Variants in GALNS observed in about 807,000 individuals in gnomAD.
The protein encoded by GALNS is N-acetylgalactosamine-6-sulfatase.
Under a neutral mutation model 65.9 loss-of-function variants are expected in GALNS, and 65 were observed. That is an observed-to-expected ratio of 0.99 (90% confidence interval 0.81 to 1.21). GALNS has a LOEUF of 1.21. Ranked by LOEUF, GALNS falls within the 50% of genes most tolerant of loss-of-function variation. The probability of loss-of-function intolerance (pLI) is 0.00; values close to 1 mark genes in which losing one functional copy is unlikely to be tolerated. For synonymous variants in GALNS, 346 were observed against 288.9 expected (o/e 1.20, Z -2.00); for missense variants, 776 against 700.7 (o/e 1.11, Z -1.21).
intron 1 of GALNS, chr16:88,856,551 C>T: frequency 1.5e-6 from 1 of 689,238 alleles, no homozygotes; most frequent in South Asian, 1.5e-5. Flanking sequence ...GGCCACTCCC[C>T]GAGGGGCCTC....
chr16:88,839,597 C>T (rs746675911), intron 4 of GALNS, among the ~76,000 whole-genome samples: 5 of 152,352 alleles, frequency 3.3e-5, no homozygotes, highest in South Asian at 2.1e-4. Context: ...TGGCTGACAA[C>T]ACCCCTACTG....
At chr16:88,826,590 G>C (rs879202197) in intron 10 of GALNS, 112 bp downstream of exon 10, 2 of 1,319,996 alleles carry the variant, frequency 1.5e-6, no homozygotes, top group Non-Finnish European at 2.1e-6. Flanking sequence ...GCACGAGCAC[G>C]CCTGTGTCCA....
chr16:88,832,910 T>C (rs998989057), intron 8 of GALNS, among the ~76,000 whole-genome samples: 3 of 151,510 alleles, frequency 2.0e-5, no homozygotes, highest in African/African-American at 7.3e-5. Context: ...CTAAACCCCA[T>C]CTCTACAAAA....
Position 88,856,913 on chromosome 16 carries a change from G to A in GALNS, c.-36C>T, listed in dbSNP as rs1290419933. 2 of 1,495,984 alleles carry A rather than the reference G, an allele frequency of 1.3e-6. No individual in the cohort carries two copies. The highest frequency in any genetic ancestry group is 1.5e-5 in the African/African-American group (1 of 68,340). 92.7% of individuals were successfully genotyped at this position (1,495,984 alleles called of 1,614,324 possible). A position where few individuals can be genotyped will look rare whatever the true frequency, so the allele number is the denominator to read the frequency against. On this transcript the variant is annotated 5_prime_UTR_variant, in exon 1 of 14. Coordinates refer to ENST00000268695, the MANE Select transcript of GALNS (RefSeq NM_000512.5). ...GGAGCCGCGGAGCCCCGGCCAGCGA[G>A]CCGACCTAGCGAGCGTCCGCCGGCC...
At chr16:88,852,556 G>T (rs1322976766) in intron 1 of GALNS, among the ~76,000 whole-genome samples, 1 of 152,248 alleles carries the variant, frequency 6.6e-6, no homozygotes, top group Non-Finnish European at 1.5e-5. Context: ...ACAGAAGTAG[G>T]CTTCAGAAAG....
chr16:88,836,389 C>G, intron 5 of GALNS, 122 bp from the exon 6 acceptor site: 4 of 812,080 alleles, frequency 4.9e-6, no homozygotes, highest in Non-Finnish European at 8.2e-6. Context: ...GGCGTCATGG[C>G]TCATGCCTGT....
intron 1 of GALNS, chr16:88,856,554 G>A: frequency 1.5e-6 from 1 of 679,760 alleles, no homozygotes; most frequent in Admixed American, 2.0e-5. Context: ...CACTCCCCGA[G>A]GGGCCTCCCC....
chr16:88,842,619 C>A, intron 2 of GALNS, 87 bp downstream of exon 2: 1 of 1,519,264 alleles, frequency 6.6e-7, no homozygotes, highest in South Asian at 1.2e-5. Context: ...GTTGATGCAG[C>A]CGCCCAGAGT....
chr16:88,829,951 C>T (rs1459199863), intron 9 of GALNS, among the ~76,000 whole-genome samples: 5 of 152,102 alleles, frequency 3.3e-5, no homozygotes, highest in Admixed American at 2.0e-4. Flanking sequence ...GTGGAACAGG[C>T]GCCGGGCGCG....
At chr16:88,854,661 T>G (rs1221563658) in intron 1 of GALNS, among the ~76,000 whole-genome samples, 1 of 152,198 alleles carries the variant, frequency 6.6e-6, no homozygotes, top group Non-Finnish European at 1.5e-5. Context: ...GTCTGCTGAC[T>G]GCAGGGGTGA....
intron 13 of GALNS, 23 bp downstream of exon 13, chr16:88,817,984 C>T (rs1471619964): frequency 1.3e-6 from 2 of 1,550,078 alleles, no homozygotes; most frequent in Non-Finnish European, 8.7e-7. Context: ...AAAGAGACGG[C>T]CGCCCACACA....
At chr16:88,827,087 T>C (rs1284836196) in intron 9 of GALNS, 2 of 586,298 alleles carry the variant, frequency 3.4e-6, no homozygotes, top group East Asian at 5.7e-5. Context: ...TCTGCCTCTG[T>C]GGATCAGATG....
chr16:88,851,834 G>C (rs540807616), intron 1 of GALNS, among the ~76,000 whole-genome samples: 2 of 152,378 alleles, frequency 1.3e-5, no homozygotes, highest in South Asian at 2.1e-4. Flanking sequence ...TGAGGCTTGA[G>C]TAGGTAAACA....
rs12933564 is a variant in GALNS, at chr16:88,856,918, C to A, written c.-41G>T. 6.7e-7 allele frequency: 1 copy of A among 1,486,834 alleles called. No homozygotes were observed. Among genetic ancestry groups the A allele is most frequent in the Non-Finnish European group, 8.9e-7 (1 of 1,126,870 alleles). The allele number at this position is 1,486,834 out of a possible 1,614,324, so 92.1% of individuals were successfully genotyped here. A position where few individuals can be genotyped will look rare whatever the true frequency, so the allele number is the denominator to read the frequency against. On this transcript the variant is annotated 5_prime_UTR_variant, in exon 1 of 14. Transcript: ENST00000268695. Reference sequence around the variant, plus strand: ...CGCGGAGCCCCGGCCAGCGAGCCGACCTAGCGAGCGTCCGCCGGCCCTTCC... The same window carrying A: ...CGCGGAGCCCCGGCCAGCGAGCCGAACTAGCGAGCGTCCGCCGGCCCTTCC...
intron 13 of GALNS, chr16:88,815,943 G>A (rs1265182426): frequency 1.1e-5 from 11 of 985,458 alleles, no homozygotes; most frequent in African/African-American, 3.5e-5. Context: ...CTCTGTGCCA[G>A]AGACGCCACT....
At chr16:88,816,550 C>G in intron 13 of GALNS, 1 of 954,714 alleles carries the variant, frequency 1.0e-6, no homozygotes, top group Non-Finnish European at 1.2e-6. Context: ...GGAGGTGGCC[C>G]TGCCCTGCCC....
At chr16:88,833,980 C>T (rs912826432) in intron 8 of GALNS, among the ~76,000 whole-genome samples, 6 of 152,196 alleles carry the variant, frequency 3.9e-5, no homozygotes, top group African/African-American at 9.7e-5. Context: ...TGGGCCCCCC[C>T]GGGCTCCCCA....
chr16:88,821,104 G>A (rs1910169831), intron 12 of GALNS, among the ~76,000 whole-genome samples: 1 of 152,144 alleles, frequency 6.6e-6, no homozygotes, highest in African/African-American at 2.4e-5. Context: ...TCTGTATCTC[G>A]GCACCCCCAC....
In GALNS at chr16:88,814,306, C is replaced by T; in HGVS notation, c.*133G>A. On this transcript the variant is annotated 3_prime_UTR_variant, in exon 14 of 14. Transcript: ENST00000268695. Reference sequence around the variant, plus strand: ...TCCTGGGCAGGTGGAATTGTGCAGTCCCCCTGCGTCTGCAGGTGCTGTCTG... The same window carrying T: ...TCCTGGGCAGGTGGAATTGTGCAGTTCCCCTGCGTCTGCAGGTGCTGTCTG... 3 of 1,189,574 alleles carry T rather than the reference C, an allele frequency of 2.5e-6. No individual in the cohort carries two copies. Among genetic ancestry groups the T allele is most frequent in the Non-Finnish European group, 3.6e-6 (3 of 822,720 alleles). 73.7% of individuals were successfully genotyped at this position (1,189,574 alleles called of 1,614,324 possible).
Sources: gnomAD v4.1 joint callset for allele counts (sites outside exome capture counted in the v4.1 genomes callset) on GRCh38, gnomAD v4.1.1 for gene constraint, MANE v1.5 for transcripts, NCBI Gene and HGNC (gene_info 2026-07-23, HGNC 2026-07-21) for gene names.